Variants in TUBGCP3 observed in about 807,000 individuals in gnomAD.
TUBGCP3 encodes gamma-tubulin complex component 3.
In TUBGCP3, 50 loss-of-function variants were observed where a neutral mutation model predicts 123.1. That is an observed-to-expected ratio of 0.41 (90% confidence interval 0.32 to 0.51). The LOEUF is 0.51. TUBGCP3 is among the 20% of genes least tolerant of loss of function. The pLI is 0.36. For missense variants in TUBGCP3, 882 were observed against 1,127.0 expected, an observed-to-expected ratio of 0.78 and a Z score of 3.11; for synonymous variants, 405 against 413.9, an observed-to-expected ratio of 0.98 and a Z score of 0.26.
chr13:112,530,187 G>A (rs1197193172), intron 11 of TUBGCP3, among the ~76,000 whole-genome samples: 2 of 152,118 alleles, frequency 1.3e-5, no homozygotes, highest in Non-Finnish European at 2.9e-5. Context: ...TTACAGGACA[G>A]TCTCATTTGT....
chr13:112,558,528 T>C (rs921767653), intron 4 of TUBGCP3, 115 bp from the exon 5 acceptor site: 1 of 885,340 alleles, frequency 1.1e-6, no homozygotes, highest in African/African-American at 1.7e-5. Flanking sequence ...TGGATTTGGG[T>C]TCCATACTTT....
intron 17 of TUBGCP3, among the ~76,000 whole-genome samples, chr13:112,512,380 A>G (rs1594126136): frequency 1.4e-5 from 2 of 147,890 alleles, no homozygotes; most frequent in East Asian, 4.0e-4. Context: ...GTGAGCTGAG[A>G]TCACACCACT....
chr13:112,576,704 ATGAAT>A (rs1244131825), intron 1 of TUBGCP3, among the ~76,000 whole-genome samples: 6 of 152,218 alleles, frequency 3.9e-5, no homozygotes, highest in East Asian at 1.9e-4. Context: ...AAATCAGAAA[ATGAAT>A]TGAATGAAAA....
At position 112,548,514 on chromosome 13, in the gene TUBGCP3, A is replaced by C. The variant is rs189544010; in HGVS notation, c.967-338T>G. On this transcript the variant is annotated intron_variant, in intron 8 of 21. Transcript: ENST00000261965. ...TCTAATTAAACTAAAGAGCTTCTGC[A>C]CAGCAAAAGAAACTACCATCAGAGT... 1.6e-4 allele frequency among the ~76,000 whole-genome samples: 24 copies of C among 152,370 alleles called. No homozygotes were observed. The East Asian group carries it at 4.2e-3, about 27-fold the overall frequency.
intron 17 of TUBGCP3, 36 bp from the exon 18 acceptor site, chr13:112,504,750 A>G (rs1881174686): frequency 6.5e-7 from 1 of 1,544,016 alleles, no homozygotes; most frequent in South Asian, 1.1e-5. Context: ...GGTGCAATGC[A>G]AGTACACTTA....
At chr13:112,596,652 A>G in the TUBGCP3 span, among the ~76,000 whole-genome samples, 2 of 152,284 alleles carry the variant, frequency 1.3e-5, no homozygotes, top group South Asian at 4.1e-4. Context: ...TTTTTCAGAC[A>G]TTATTCCTTG....
the TUBGCP3 span, among the ~76,000 whole-genome samples, chr13:112,597,573 G>C: frequency 6.6e-6 from 1 of 151,982 alleles, no homozygotes; most frequent in East Asian, 1.9e-4. Context: ...GATGCTCAAG[G>C]GAAATCAAAG....
At chr13:112,576,623 A>G (rs1881833685) in intron 1 of TUBGCP3, among the ~76,000 whole-genome samples, 1 of 152,180 alleles carries the variant, frequency 6.6e-6, no homozygotes, top group Admixed American at 6.5e-5. Flanking sequence ...CCTTAAATAT[A>G]TATTTTGGAT....
intron 6 of TUBGCP3, among the ~76,000 whole-genome samples, chr13:112,555,454 CCT>C (rs752066819): frequency 6.6e-5 from 10 of 152,170 alleles, no homozygotes; most frequent in Admixed American, 2.0e-4. Flanking sequence ...GAAACCCAAT[CCT>C]CTGTTTTCAG....
chr13:112,590,816 A>G (rs77877174), upstream of TUBGCP3, among the ~76,000 whole-genome samples: 3,891 of 152,294 alleles, frequency 0.026, 83 homozygotes, highest in Middle Eastern at 0.058. Context: ...TGGCAAAATT[A>G]ACTGAAGTTT....
chr13:112,557,366 G>A (rs1196059500), intron 5 of TUBGCP3, among the ~76,000 whole-genome samples: 2 of 152,132 alleles, frequency 1.3e-5, no homozygotes, highest in East Asian at 1.9e-4. Flanking sequence ...TTCTGTTTTC[G>A]AGTATCTTGA....
intron 13 of TUBGCP3, among the ~76,000 whole-genome samples, chr13:112,526,383 TACC>T (rs1328353347): frequency 3.4e-5 from 3 of 89,234 alleles, no homozygotes; most frequent in East Asian, 3.8e-4. Context: ...TCACCATCAT[TACC>T]ACCATCATCA....
rs918694929 is a variant in TUBGCP3, at chr13:112,519,692, T to C, written c.1881+194A>G. On this transcript the variant is annotated intron_variant, in intron 15 of 21. Transcript: ENST00000261965. The surrounding 1 kb of genome is among the most constrained non-coding windows in gnomAD (Gnocchi z 6.2). ...CAAGATGGGCAAACGGAAACCCAGA[T>C]GGTGGAGAGGGAGCAGATGTGCTGA... Among the ~76,000 whole-genome samples, 9 of 152,170 alleles carry C rather than the reference T, an allele frequency of 5.9e-5. No homozygotes were observed. Among genetic ancestry groups the C allele is most frequent in the Non-Finnish European group, 1.2e-4 (8 of 68,036 alleles).
chr13:112,547,372 C>G, intron 10 of TUBGCP3: 1 of 523,138 alleles, frequency 1.9e-6, no homozygotes, highest in South Asian at 8.8e-5. Context: ...GTGGTTACGT[C>G]CCCTCTTGGC....
chr13:112,507,309 A>C (rs572150289), intron 17 of TUBGCP3, among the ~76,000 whole-genome samples: 179 of 152,344 alleles, frequency 1.2e-3, no homozygotes, highest in African/African-American at 3.8e-3. Flanking sequence ...ACTGCTGTGC[A>C]CTTGTGCACA....
chr13:112,489,787 AG>A, intron 20 of TUBGCP3, 90 bp from the exon 21 acceptor site: 1 of 1,052,864 alleles, frequency 9.5e-7, no homozygotes, highest in South Asian at 1.3e-5. Flanking sequence ...GAGGAGCAGG[AG>A]GTGTCTGCTT....
chr13:112,565,059 T>C, intron 3 of TUBGCP3, 52 bp downstream of exon 3: 1 of 1,494,846 alleles, frequency 6.7e-7, no homozygotes, highest in South Asian at 1.2e-5. Flanking sequence ...CCTATACCAC[T>C]CATCATATCC....
chr13:112,581,301 A>G (rs1882259430), intron 1 of TUBGCP3, among the ~76,000 whole-genome samples: 1 of 151,300 alleles, frequency 6.6e-6, no homozygotes, highest in African/African-American at 2.5e-5. Context: ...ATGAAATCTA[A>G]AATGTTTTGT....
At chr13:112,543,136 C>T (rs951060021) in intron 11 of TUBGCP3, among the ~76,000 whole-genome samples, 14 of 152,000 alleles carry the variant, frequency 9.2e-5, no homozygotes, top group Non-Finnish European at 1.5e-4. Flanking sequence ...GACAACAAAG[C>T]GAGACTCCAT....
Sources: gnomAD v4.1 joint callset for allele counts (sites outside exome capture counted in the v4.1 genomes callset) on GRCh38, gnomAD v4.1.1 for gene constraint, Gnocchi (gnomAD v3.1) non-coding constraint, MANE v1.5 for transcripts, NCBI Gene and HGNC (gene_info 2026-07-23, HGNC 2026-07-21) for gene names.